Variants in RBFOX1 observed in about 807,000 individuals in gnomAD.
The protein encoded by RBFOX1 is RNA binding fox-1 homolog 1.
In RBFOX1, 8 loss-of-function variants were observed where a neutral mutation model predicts 57.7. The ratio of observed to expected loss-of-function variants is 0.14; its 90% confidence interval spans 0.08 to 0.25. The LOEUF is 0.25. Ranked by LOEUF, RBFOX1 falls within the 10% of genes least tolerant of loss-of-function variation. The pLI is 1.00. For synonymous variants in RBFOX1, 326 were observed against 222.4 expected (o/e 1.47, Z -4.15); for missense variants, 611 against 548.5 (o/e 1.11, Z -1.14).
intron 2 of RBFOX1, among the ~76,000 whole-genome samples, chr16:6,339,997 C>G (rs146004186): frequency 6.6e-6 from 1 of 152,204 alleles, no homozygotes; most frequent in African/African-American, 2.4e-5. Flanking sequence ...AATTCTTAAA[C>G]AAAAGCTTTA....
intron 3 of RBFOX1, among the ~76,000 whole-genome samples, chr16:6,740,367 C>A (rs1320431674): frequency 6.6e-6 from 1 of 152,004 alleles, no homozygotes; most frequent in Non-Finnish European, 1.5e-5. Flanking sequence ...CACTGCTATT[C>A]AACATAGTAG....
At chr16:6,990,603 T>G (rs1372079906) in intron 3 of RBFOX1, among the ~76,000 whole-genome samples, 1 of 152,122 alleles carries the variant, frequency 6.6e-6, no homozygotes, top group Non-Finnish European at 1.5e-5. Context: ...GTTTACCAAG[T>G]AGAAGTAGCA....
At chr16:5,435,970 G>C (rs2067906374) in intron 1 of RBFOX1, among the ~76,000 whole-genome samples, 1 of 152,186 alleles carries the variant, frequency 6.6e-6, no homozygotes, top group African/African-American at 2.4e-5. Context: ...TGAAGTCTTT[G>C]AAGATTTTAA....
intron 2 of RBFOX1, among the ~76,000 whole-genome samples, chr16:6,328,816 C>A (rs997068248): frequency 2.6e-5 from 4 of 152,056 alleles, no homozygotes; most frequent in South Asian, 2.1e-4. Context: ...ATAGCTTGGG[C>A]AGTGATCATT....
chr16:5,311,286 C>A, intron 1 of RBFOX1, among the ~76,000 whole-genome samples: 1 of 152,010 alleles, frequency 6.6e-6, no homozygotes, highest in East Asian at 1.9e-4. Context: ...ATCACATTTT[C>A]TTTTTTCACT....
At chr16:5,289,106 C>CA (rs2063470848) in intron 1 of RBFOX1, 3 of 176,410 alleles carry the variant, frequency 1.7e-5, no homozygotes, top group Middle Eastern at 2.3e-3. Flanking sequence ...GCCTGGGTGA[C>CA]AGAGGAAGAC....
chr16:5,321,055 G>A (rs1354401346), intron 1 of RBFOX1, among the ~76,000 whole-genome samples: 1 of 152,160 alleles, frequency 6.6e-6, no homozygotes, highest in Non-Finnish European at 1.5e-5. Context: ...TTAGGTCTCA[G>A]GGAAACTGTA....
At chr16:5,878,983 G>A (rs536727240) in intron 4 of RBFOX1, among the ~76,000 whole-genome samples, 1 of 152,192 alleles carries the variant, frequency 6.6e-6, no homozygotes, top group South Asian at 2.1e-4. Flanking sequence ...AATGTGTTAA[G>A]TTACATTTTC....
chr16:5,994,041 T>C (rs1018404690), intron 4 of RBFOX1, among the ~76,000 whole-genome samples: 3 of 152,202 alleles, frequency 2.0e-5, no homozygotes, highest in African/African-American at 7.2e-5. Flanking sequence ...AGATCATGTC[T>C]GCACAAAGAG....
intron 4 of RBFOX1, among the ~76,000 whole-genome samples, chr16:7,115,131 C>T (rs963938689): frequency 5.3e-5 from 8 of 152,262 alleles, no homozygotes; most frequent in Non-Finnish European, 7.4e-5. Flanking sequence ...AAGTTTCCAA[C>T]GTGTAGATTC....
chr16:6,361,161 A>G (rs1481143567), intron 2 of RBFOX1, among the ~76,000 whole-genome samples: 1 of 152,088 alleles, frequency 6.6e-6, no homozygotes, highest in African/African-American at 2.4e-5. Flanking sequence ...TTATCAGGTT[A>G]TGTGTCTCAA....
intron 1 of RBFOX1, among the ~76,000 whole-genome samples, chr16:6,237,984 G>A (rs758999197): frequency 2.0e-5 from 3 of 151,416 alleles, no homozygotes; most frequent in Non-Finnish European, 2.9e-5. Flanking sequence ...CCAGCTACTC[G>A]GGAGGCTGAG....
intron 2 of RBFOX1, among the ~76,000 whole-genome samples, chr16:6,352,434 A>G (rs2086575615): frequency 1.3e-5 from 2 of 152,236 alleles, no homozygotes; most frequent in African/African-American, 4.8e-5. Context: ...TTGAACAATT[A>G]TGACCATCAA....
At chr16:6,973,980 A>G (rs374042729) in intron 3 of RBFOX1, among the ~76,000 whole-genome samples, 3 of 152,068 alleles carry the variant, frequency 2.0e-5, no homozygotes, top group African/African-American at 2.4e-5. Flanking sequence ...CCCTGTGTCC[A>G]TGTGTTCTCA....
intron 4 of RBFOX1, among the ~76,000 whole-genome samples, chr16:7,457,872 C>A (rs2058828029): frequency 6.6e-6 from 1 of 152,118 alleles, no homozygotes; most frequent in African/African-American, 2.4e-5. Context: ...AGCTTCATCA[C>A]CCCCTCCCCA....
At chr16:6,377,898 C>G (rs1436943520) in intron 2 of RBFOX1, among the ~76,000 whole-genome samples, 3 of 152,186 alleles carry the variant, frequency 2.0e-5, no homozygotes, top group Non-Finnish European at 2.9e-5. Context: ...GCCGGGAAAA[C>G]TCTGCCCCAC....
intron 2 of RBFOX1, among the ~76,000 whole-genome samples, chr16:6,467,757 C>T (rs138688072): frequency 8.5e-5 from 13 of 152,176 alleles, no homozygotes; most frequent in African/African-American, 3.1e-4. Flanking sequence ...AAGGATTAGA[C>T]CTCATCTGCC....
At chr16:7,620,862 G>C (rs1269642550) in intron 10 of RBFOX1, among the ~76,000 whole-genome samples, 1 of 152,164 alleles carries the variant, frequency 6.6e-6, no homozygotes. Flanking sequence ...TCTTGGGTTT[G>C]ATAAGAAAAA....
chr16:5,844,259 A>G (rs1164792630), intron 3 of RBFOX1, among the ~76,000 whole-genome samples: 3 of 152,200 alleles, frequency 2.0e-5, no homozygotes, highest in African/African-American at 7.2e-5. Flanking sequence ...TCTCAAACTT[A>G]GAAACTCAGC....
Sources: gnomAD v4.1 joint callset for allele counts (sites outside exome capture counted in the v4.1 genomes callset) on GRCh38, gnomAD v4.1.1 for gene constraint, MANE v1.5 for transcripts, NCBI Gene and HGNC (gene_info 2026-07-23, HGNC 2026-07-21) for gene names.